SDK1: variants seen among roughly 807,000 people sequenced by gnomAD.
SDK1 encodes the protein sidekick cell adhesion molecule 1.
A neutral mutation model predicts 245.5 loss-of-function variants in SDK1; 157 were observed. The observed-to-expected ratio is 0.64, with a 90% CI of 0.56 to 0.73. SDK1 has a LOEUF of 0.73. SDK1 is among the 30% of genes least tolerant of loss of function. The pLI, the probability that SDK1 is intolerant of heterozygous loss-of-function variation, is 0.00. For missense variants in SDK1, 3,583 were observed against 3,002.3 expected (o/e 1.19, Z -4.52); for synonymous variants, 1,647 against 1,278.5 (o/e 1.29, Z -6.15).
At chr7:3,423,846 TAAGTC>T (rs1301765816) in intron 1 of SDK1, among the ~76,000 whole-genome samples, 1 of 152,118 alleles carries the variant, frequency 6.6e-6, no homozygotes, top group African/African-American at 2.4e-5. Flanking sequence ...AGAGTAAAAA[TAAGTC>T]AAACCATTTG....
At chr7:3,814,581 G>C (rs940242174) in intron 4 of SDK1, among the ~76,000 whole-genome samples, 1 of 151,908 alleles carries the variant, frequency 6.6e-6, no homozygotes, top group Non-Finnish European at 1.5e-5. Context: ...GCTTAGGATT[G>C]ACTTGGTGAT....
At chr7:4,077,451 T>G (rs1439657246) in intron 21 of SDK1, among the ~76,000 whole-genome samples, 2 of 152,212 alleles carry the variant, frequency 1.3e-5, no homozygotes, top group African/African-American at 2.4e-5. Flanking sequence ...GCGTTGAAAG[T>G]GTTTAAAGCC....
chr7:3,368,885 G>C (rs1211842620), intron 1 of SDK1, among the ~76,000 whole-genome samples: 2 of 152,050 alleles, frequency 1.3e-5, no homozygotes, highest in Non-Finnish European at 2.9e-5. Flanking sequence ...ATTGCTTCCT[G>C]TACTCTCTAT....
chr7:3,316,258 A>T (rs1159536676), intron 1 of SDK1, among the ~76,000 whole-genome samples: 1 of 152,208 alleles, frequency 6.6e-6, no homozygotes, highest in Admixed American at 6.5e-5. Context: ...CTGAAAGATT[A>T]TAATTCTGTA....
At chr7:3,863,571 A>G (rs1321691554) in intron 5 of SDK1, among the ~76,000 whole-genome samples, 4 of 152,186 alleles carry the variant, frequency 2.6e-5, no homozygotes, top group East Asian at 3.9e-4. Context: ...TCATTACACC[A>G]TAACTCTTCA....
chr7:3,897,424 C>T (rs764598263), intron 5 of SDK1, among the ~76,000 whole-genome samples: 2 of 152,160 alleles, frequency 1.3e-5, no homozygotes, highest in Non-Finnish European at 2.9e-5. Flanking sequence ...TTCTACTACT[C>T]TAGAGGCCTC....
intron 1 of SDK1, among the ~76,000 whole-genome samples, chr7:3,404,730 C>G: frequency 6.6e-6 from 1 of 152,154 alleles, no homozygotes; most frequent in East Asian, 1.9e-4. Context: ...CCAGTACTGT[C>G]CAGTAGTACA....
intron 1 of SDK1, among the ~76,000 whole-genome samples, chr7:3,358,024 C>CT (rs1224561217): frequency 4.7e-5 from 7 of 150,426 alleles, no homozygotes; most frequent in Non-Finnish European, 8.9e-5. Flanking sequence ...TTCTTTTTTT[C>CT]TTTTTTTTTG....
At chr7:3,640,026 C>T (rs891300011) in intron 3 of SDK1, among the ~76,000 whole-genome samples, 1 of 151,980 alleles carries the variant, frequency 6.6e-6, no homozygotes, top group Non-Finnish European at 1.5e-5. Flanking sequence ...TGGCTAATTT[C>T]TTTTGTTTTT....
rs1362378831 is a variant in SDK1 at position 4,247,241 on chromosome 7, G to A, written c.6381+1436G>A. Among the ~76,000 whole-genome samples the A allele has an allele frequency of 2.0e-5, 3 of 152,156 alleles. No homozygotes were observed. In the South Asian group the frequency reaches 6.2e-4, roughly 32 times the overall value. ...ATCGAATGGCTTCTTTTCAACTGTG[G>A]GTTGTAGATGAACTCCCGGCGGGAA... On this transcript the variant is annotated intron_variant, in intron 44 of 44. Coordinates refer to ENST00000404826, the MANE Select transcript of SDK1 (RefSeq NM_152744.4).
intron 41 of SDK1, 25 bp from the exon 42 acceptor site, chr7:4,237,622 T>A: frequency 6.2e-7 from 1 of 1,614,006 alleles, no homozygotes; most frequent in Non-Finnish European, 8.5e-7. Flanking sequence ...CCCCATGTCA[T>A]TGTGTGTCCG....
chr7:3,839,205 C>T (rs563116387), intron 5 of SDK1, among the ~76,000 whole-genome samples: 3 of 152,322 alleles, frequency 2.0e-5, no homozygotes, highest in African/African-American at 7.2e-5. Context: ...GAAAGGCATT[C>T]CTCCCAGCAA....
intron 1 of SDK1, among the ~76,000 whole-genome samples, chr7:3,499,669 G>C (rs1782135279): frequency 6.6e-6 from 1 of 152,214 alleles, no homozygotes; most frequent in South Asian, 2.1e-4. Flanking sequence ...TAAGGGCACG[G>C]CAGTGTTGCC....
intron 20 of SDK1, 78 bp from the exon 21 acceptor site, chr7:4,076,920 C>G: frequency 7.8e-7 from 1 of 1,286,890 alleles, no homozygotes; most frequent in Admixed American, 1.9e-5. Flanking sequence ...TCCAAGCCTG[C>G]AACGATGGTG....
chr7:3,956,643 C>T (rs893865616), intron 7 of SDK1, among the ~76,000 whole-genome samples: 5 of 152,348 alleles, frequency 3.3e-5, no homozygotes, highest in African/African-American at 1.2e-4. Flanking sequence ...CCCCTGCAGG[C>T]GGTGGCAGGC....
intron 14 of SDK1, among the ~76,000 whole-genome samples, chr7:4,005,946 T>C (rs1785455193): frequency 6.9e-6 from 1 of 143,894 alleles, no homozygotes; most frequent in African/African-American, 2.7e-5. Flanking sequence ...TTGTGGGAGG[T>C]AGGGGTGGAA....
At chr7:3,398,508 A>G (rs1303896525) in intron 1 of SDK1, among the ~76,000 whole-genome samples, 1 of 152,042 alleles carries the variant, frequency 6.6e-6, no homozygotes, top group Non-Finnish European at 1.5e-5. Flanking sequence ...GTTCTGACAA[A>G]GTAGTTTCCC....
intron 1 of SDK1, among the ~76,000 whole-genome samples, chr7:3,364,117 T>A (rs1347020966): frequency 6.6e-6 from 1 of 152,236 alleles, no homozygotes; most frequent in Non-Finnish European, 1.5e-5. Flanking sequence ...TTATGTCTTT[T>A]ATCCATTTTC....
chr7:3,489,367 C>T (rs146363576), intron 1 of SDK1, among the ~76,000 whole-genome samples: 29 of 152,232 alleles, frequency 1.9e-4, no homozygotes, highest in Middle Eastern at 3.4e-3. Context: ...GGAAATTTTC[C>T]GGTGATTTTT....
Sources: allele counts gnomAD v4.1 joint callset (sites outside exome capture counted in the v4.1 genomes callset), GRCh38; gene constraint gnomAD v4.1.1; transcripts MANE v1.5; gene names NCBI Gene and HGNC (gene_info 2026-07-23, HGNC 2026-07-21).